Variants in TPCN2 observed in about 807,000 individuals in gnomAD.
TPCN2 encodes two pore segment channel 2, also known as two pore channel protein 2.
A neutral mutation model predicts 111.4 loss-of-function variants in TPCN2; 92 were observed. The observed-to-expected ratio is 0.83, with a 90% confidence interval of 0.70 to 0.98. The LOEUF (loss-of-function observed/expected upper bound fraction) is 0.98, where lower values mean the gene tolerates loss of function less well. TPCN2 is among the 50% of genes least tolerant of loss of function. The pLI is 0.00. For missense variants in TPCN2, 995 were observed against 980.1 expected, an observed-to-expected ratio of 1.02 and a Z score of -0.20; for synonymous variants, 405 against 414.5, an observed-to-expected ratio of 0.98 and a Z score of 0.28.
chr11:69,059,465 T>G (rs925847646), intron 5 of TPCN2, among the ~76,000 whole-genome samples: 2 of 152,232 alleles, frequency 1.3e-5, no homozygotes, highest in Non-Finnish European at 2.9e-5. Context: ...TCACTCCCAT[T>G]GCCCTTGCCT....
At chr11:69,079,337 G>A (rs1001523421) in intron 16 of TPCN2, 45 of 404,906 alleles carry the variant, frequency 1.1e-4, no homozygotes, top group Non-Finnish European at 1.7e-4. Flanking sequence ...CCTCTTAAAC[G>A]TCACTGATAG....
At chr11:69,063,125 T>G in intron 6 of TPCN2, 135 bp downstream of exon 6, 1 of 755,704 alleles carries the variant, frequency 1.3e-6, no homozygotes, top group Non-Finnish European at 2.2e-6. Flanking sequence ...CTGGTGACGG[T>G]GTGGGGAGGC....
At position 69,062,901 on chromosome 11, in the gene TPCN2, G is replaced by T; in HGVS notation, c.564G>T (p.Arg188=). ...LVCHEPLRIR[R]LLRPFFLLQN... ...TCTTCCAGCCCCTGCGGATCCGCCG[G>T]CTTCTCCGTCCCTTCTTCCTGCTGC... Residue 188 remains arginine (R), a synonymous_variant, in exon 6 of 25, where the codon CGG becomes CGT. Coordinates refer to ENST00000294309, the MANE Select transcript of TPCN2 (RefSeq NM_139075.4). The T allele has an allele frequency of 1.2e-6, 2 of 1,613,962 alleles. No homozygotes were observed. Among genetic ancestry groups the T allele is most frequent in the Non-Finnish European group, 1.7e-6 (2 of 1,179,902 alleles).
rs569519368 is a variant in TPCN2 at position 69,090,417 on chromosome 11, T to A, written c.*2464T>A. On this transcript the variant is annotated 3_prime_UTR_variant, in exon 25 of 25. Transcript: ENST00000294309. Reference sequence around the variant, plus strand: ...ATGCCCTGCTCATCCGACTGGGGCTTTGACTCCCACACTGTGTACCCCTCT... The same window carrying A: ...ATGCCCTGCTCATCCGACTGGGGCTATGACTCCCACACTGTGTACCCCTCT... The A allele has an allele frequency of 1.3e-5, 2 of 152,276 alleles. No homozygotes were observed. The highest frequency in any genetic ancestry group is 3.9e-4 in the East Asian group (2 of 5,178). 9.4% of individuals were successfully genotyped at this position (152,276 alleles called of 1,614,324 possible). A position where few individuals can be genotyped will look rare whatever the true frequency, so the allele number is the denominator to read the frequency against.
At chr11:69,070,348 A>G (rs1046550239) in intron 8 of TPCN2, 82 bp from the exon 9 acceptor site, 6 of 1,192,452 alleles carry the variant, frequency 5.0e-6, no homozygotes, top group Admixed American at 1.7e-5. Context: ...TTTCTATTGC[A>G]AAAGCAAATA....
Position 69,082,773 on chromosome 11 carries a change from G to A in TPCN2, c.1690-1172G>A, listed in dbSNP as rs111361137. Among the ~76,000 whole-genome samples, 246 of 57,584 alleles carry A rather than the reference G, an allele frequency of 4.3e-3. 8 individuals carry two copies. Among genetic ancestry groups the A allele is most frequent in the African/African-American group, 5.8e-3 (99 of 16,952 alleles). The allele number at this position is 57,584 out of a possible 152,430, so 37.8% of individuals were successfully genotyped here. ...ACGCATGATCGTGTGTGCACACATCGCGTGCAGATATCCATGTGAACTCGT... is the reference window on the plus strand; with the variant it reads ...ACGCATGATCGTGTGTGCACACATCACGTGCAGATATCCATGTGAACTCGT... On this transcript the variant is annotated intron_variant, in intron 18 of 24. Transcript: ENST00000294309.
At chr11:69,084,247 G>A (rs541749552) in intron 19 of TPCN2, among the ~76,000 whole-genome samples, 1 of 152,326 alleles carries the variant, frequency 6.6e-6, no homozygotes, top group Admixed American at 6.5e-5. Context: ...GGCCCTGCCT[G>A]AGCATCCTTC....
chr11:69,071,346 CCT>C lies in TPCN2; in HGVS notation c.896-7_896-6del, dbSNP rs1855528719. 1 of 1,613,134 alleles carries C rather than the reference CCT, an allele frequency of 6.2e-7. No homozygotes were observed. Among genetic ancestry groups the C allele is most frequent in the Non-Finnish European group, 8.5e-7 (1 of 1,179,540 alleles). ...GTGGCGCCCCTGACCGTGGCTGTCT[CCT>C]CTTGAAGGAAGCCTGTTTCTGATGA... On this transcript the variant is annotated splice_polypyrimidine_tract_variant and splice_region_variant and intron_variant, in intron 9 of 24. Coordinates refer to ENST00000294309, the MANE Select transcript of TPCN2 (RefSeq NM_139075.4).
chr11:69,086,376 TGA>T, intron 22 of TPCN2, 145 bp from the exon 23 acceptor site: 1 of 707,836 alleles, frequency 1.4e-6, no homozygotes. Flanking sequence ...GGGTTGTTTC[TGA>T]GATGGAAATA....
chr11:69,079,941 C>T, intron 17 of TPCN2, 58 bp downstream of exon 17: 1 of 1,561,698 alleles, frequency 6.4e-7, no homozygotes, highest in Non-Finnish European at 8.8e-7. Context: ...CACCCAGCGC[C>T]CCTGGGAGGG....
At chr11:69,057,542 G>A (rs763786542) in intron 4 of TPCN2, 36 bp from the exon 5 acceptor site, 1 of 1,587,122 alleles carries the variant, frequency 6.3e-7, no homozygotes, top group Non-Finnish European at 8.7e-7. Context: ...CAGCGTGTGG[G>A]GCTACTTGCT....
At chr11:69,082,412 TACAC>T (rs1406024821) in intron 18 of TPCN2, among the ~76,000 whole-genome samples, 2 of 152,280 alleles carry the variant, frequency 1.3e-5, no homozygotes, top group Non-Finnish European at 2.9e-5. Context: ...ATCATGCACA[TACAC>T]ACGTACATTA....
chr11:69,067,653 C>A, intron 8 of TPCN2, 48 bp downstream of exon 8: 3 of 1,584,746 alleles, frequency 1.9e-6, no homozygotes, highest in South Asian at 1.1e-5. Context: ...GAGCCCAGCA[C>A]TGGGGGGCCG....
At chr11:69,086,677 C>T in intron 23 of TPCN2, 73 bp downstream of exon 23, 2 of 1,465,168 alleles carry the variant, frequency 1.4e-6, no homozygotes, top group Non-Finnish European at 1.9e-6. Flanking sequence ...GGCCTGAGGC[C>T]ACCGGCCGGG....
intron 10 of TPCN2, 104 bp from the exon 11 acceptor site, chr11:69,071,819 G>C: frequency 2.8e-6 from 3 of 1,079,970 alleles, no homozygotes; most frequent in Non-Finnish European, 4.1e-6. Flanking sequence ...CCCCCCCAAG[G>C]CTGCCCAGAC....
At chr11:69,058,364 G>A (rs1317609125) in intron 5 of TPCN2, among the ~76,000 whole-genome samples, 1 of 152,186 alleles carries the variant, frequency 6.6e-6, no homozygotes, top group African/African-American at 2.4e-5. Flanking sequence ...TCCCACTCAT[G>A]GGCAGGGGAC....
chr11:69,063,306 C>G (rs988137411), intron 6 of TPCN2, among the ~76,000 whole-genome samples: 1 of 152,042 alleles, frequency 6.6e-6, no homozygotes, highest in East Asian at 2.0e-4. Flanking sequence ...TGGCTGTGCC[C>G]TGCCTCTCCC....
At chr11:69,060,342 CAGGCCTG>C (rs1308125983) in intron 5 of TPCN2, among the ~76,000 whole-genome samples, 1 of 152,234 alleles carries the variant, frequency 6.6e-6, no homozygotes, top group Non-Finnish European at 1.5e-5. Flanking sequence ...GTCTGCAAAC[CAGGCCTG>C]AGGTTTTCCT....
intron 7 of TPCN2, among the ~76,000 whole-genome samples, chr11:69,065,832 G>C (rs750845373): frequency 7.2e-5 from 11 of 152,160 alleles, no homozygotes; most frequent in Non-Finnish European, 1.3e-4. Flanking sequence ...TTCTCAGGTC[G>C]GGGCTGTGGG....
Sources: gnomAD v4.1 joint callset for allele counts (sites outside exome capture counted in the v4.1 genomes callset) on GRCh38, gnomAD v4.1.1 for gene constraint, MANE v1.5 for transcripts, NCBI Gene and HGNC (gene_info 2026-07-23, HGNC 2026-07-21) for gene names.